Variants in NSMCE2 observed in about 807,000 individuals in gnomAD.
NSMCE2 encodes NSE2 SUMO ligase component of SMC5/6 complex.
In NSMCE2, 24 loss-of-function variants were observed where a neutral mutation model predicts 23.8. The ratio of observed to expected loss-of-function variants is 1.01; its 90% CI spans 0.73 to 1.42. The LOEUF (loss-of-function observed/expected upper bound fraction) is 1.42. Among genes scored for constraint, NSMCE2 ranks in the 40% most tolerant of loss-of-function variants. The pLI, the probability that NSMCE2 is intolerant of heterozygous loss-of-function variation, is 0.00. For missense variants in NSMCE2, 284 were observed against 296.5 expected (o/e 0.96, Z 0.31); for synonymous variants, 92 against 94.1 (o/e 0.98, Z 0.13).
intron 5 of NSMCE2, among the ~76,000 whole-genome samples, chr8:125,298,102 A>T (rs1828400338): frequency 6.6e-6 from 1 of 152,136 alleles, no homozygotes; most frequent in African/African-American, 2.4e-5. Flanking sequence ...CTCTACTAAA[A>T]ATAAAAAATT....
At chr8:125,209,523 A>G (rs562967233) in intron 5 of NSMCE2, among the ~76,000 whole-genome samples, 70 of 152,382 alleles carry the variant, frequency 4.6e-4, no homozygotes, top group African/African-American at 1.5e-3. Flanking sequence ...GAATAGTACC[A>G]TATTTAAACT....
intron 7 of NSMCE2, among the ~76,000 whole-genome samples, chr8:125,359,511 T>G (rs1213100332): frequency 1.3e-5 from 2 of 151,870 alleles, no homozygotes; most frequent in Non-Finnish European, 1.5e-5. Flanking sequence ...TTTTGTATTT[T>G]TAGTAGAGAT....
At chr8:125,256,846 A>T (rs1826441769) in intron 5 of NSMCE2, among the ~76,000 whole-genome samples, 1 of 141,624 alleles carries the variant, frequency 7.1e-6, no homozygotes, top group Non-Finnish European at 1.5e-5. Flanking sequence ...GAATTGCTTG[A>T]ACCTGGGAAG....
intron 5 of NSMCE2, among the ~76,000 whole-genome samples, chr8:125,280,723 C>T (rs528244597): frequency 6.6e-6 from 1 of 152,172 alleles, no homozygotes; most frequent in South Asian, 2.1e-4. Context: ...GGGTCCCAGA[C>T]AGGAGAAAGC....
chr8:125,135,754 C>G (rs1820036689), intron 3 of NSMCE2, among the ~76,000 whole-genome samples: 1 of 152,160 alleles, frequency 6.6e-6, no homozygotes, highest in Non-Finnish European at 1.5e-5. Context: ...CAATTCAATG[C>G]TGTTGATCTC....
intron 5 of NSMCE2, among the ~76,000 whole-genome samples, chr8:125,336,965 T>C (rs906036450): frequency 5.9e-5 from 9 of 152,406 alleles, no homozygotes; most frequent in Admixed American, 4.6e-4. Flanking sequence ...TTTGGTCATC[T>C]GTGTTTAGTA....
intron 5 of NSMCE2, among the ~76,000 whole-genome samples, chr8:125,253,637 C>T (rs951591954): frequency 1.3e-5 from 2 of 152,132 alleles, no homozygotes; most frequent in Non-Finnish European, 2.9e-5. Flanking sequence ...TATAAATCTT[C>T]ATCTTGGTTT....
intron 5 of NSMCE2, among the ~76,000 whole-genome samples, chr8:125,322,223 C>G (rs1418019249): frequency 2.0e-5 from 3 of 151,910 alleles, no homozygotes; most frequent in African/African-American, 7.3e-5. Flanking sequence ...TTAAAATTAG[C>G]CAGGTGTGGT....
At chr8:125,323,841 A>T (rs907699079) in intron 5 of NSMCE2, among the ~76,000 whole-genome samples, 1 of 152,214 alleles carries the variant, frequency 6.6e-6, no homozygotes, top group African/African-American at 2.4e-5. Context: ...TCTTCAAGAG[A>T]TACTCTTAGG....
chr8:125,172,374 A>G (rs1277792617), intron 4 of NSMCE2, among the ~76,000 whole-genome samples: 2 of 152,222 alleles, frequency 1.3e-5, no homozygotes, highest in Non-Finnish European at 2.9e-5. Flanking sequence ...AAATGTTCAA[A>G]CAGTTCTAGA....
intron 5 of NSMCE2, among the ~76,000 whole-genome samples, chr8:125,265,706 G>A (rs1826883203): frequency 6.6e-6 from 1 of 152,200 alleles, no homozygotes; most frequent in Non-Finnish European, 1.5e-5. Flanking sequence ...AGCAGAGCCT[G>A]TGTTAGAACC....
chr8:125,238,541 C>G (rs544586467), intron 5 of NSMCE2, among the ~76,000 whole-genome samples: 9 of 152,130 alleles, frequency 5.9e-5, no homozygotes, highest in African/African-American at 2.2e-4. Context: ...CAAATAAGTG[C>G]ACTGTTAGCT....
intron 3 of NSMCE2, among the ~76,000 whole-genome samples, chr8:125,103,810 T>C (rs558639698): frequency 6.6e-6 from 1 of 152,006 alleles, no homozygotes; most frequent in African/African-American, 2.4e-5. Flanking sequence ...GTTGAAGACA[T>C]AACAAAGAAT....
intron 5 of NSMCE2, among the ~76,000 whole-genome samples, chr8:125,301,163 G>C (rs1219360155): frequency 6.6e-6 from 1 of 152,186 alleles, no homozygotes; most frequent in Non-Finnish European, 1.5e-5. Context: ...AACTTGAGCA[G>C]GATTGGCTGG....
intron 5 of NSMCE2, among the ~76,000 whole-genome samples, chr8:125,334,670 G>A (rs1830005555): frequency 6.6e-6 from 1 of 151,322 alleles, no homozygotes; most frequent in African/African-American, 2.4e-5. Context: ...TTTCAAGGAT[G>A]TCTTGAAATG....
In NSMCE2 at chr8:125,150,652, G is replaced by T. The variant is rs1477644961; in HGVS notation, c.158-519G>T. Among the ~76,000 whole-genome samples, 3 of 151,662 alleles carry T rather than the reference G, an allele frequency of 2.0e-5. No individual in the cohort carries two copies. The East Asian group carries it at 5.8e-4, about 29-fold the overall frequency. ...CTGCCTCGGCCTCCCAAAGTACTAG[G>T]ATTACAGACGTTAGTCACCACGCCC... On this transcript the variant is annotated intron_variant, in intron 3 of 7. Transcript: ENST00000287437.
At chr8:125,208,646 C>T (rs941636500) in intron 5 of NSMCE2, among the ~76,000 whole-genome samples, 28 of 152,138 alleles carry the variant, frequency 1.8e-4, no homozygotes, top group African/African-American at 6.0e-4. Context: ...GATTGAGTGC[C>T]AGCGTAAGTG....
intron 7 of NSMCE2, among the ~76,000 whole-genome samples, chr8:125,364,246 AT>A (rs1177888831): frequency 6.6e-6 from 1 of 152,248 alleles, no homozygotes; most frequent in East Asian, 1.9e-4. Context: ...GCCTGGCCAT[AT>A]TTTAATATTT....
chr8:125,205,022 G>A (rs1563718180), intron 5 of NSMCE2, among the ~76,000 whole-genome samples: 1 of 152,080 alleles, frequency 6.6e-6, no homozygotes, highest in Non-Finnish European at 1.5e-5. Flanking sequence ...CTTTCTCACC[G>A]CTCTCCTCTC....
Sources: gnomAD v4.1 joint callset for allele counts (sites outside exome capture counted in the v4.1 genomes callset) on GRCh38, gnomAD v4.1.1 for gene constraint, MANE v1.5 for transcripts, NCBI Gene and HGNC (gene_info 2026-07-23, HGNC 2026-07-21) for gene names.